SMARCC1: variants seen among roughly 807,000 people sequenced by gnomAD.
SMARCC1 encodes the protein SWI/SNF complex subunit SMARCC1.
SMARCC1 carries 43 observed loss-of-function variants against 147.4 expected under a neutral mutation model. The observed-to-expected ratio is 0.29, with a 90% CI of 0.23 to 0.38. The LOEUF is 0.38. Ranked by LOEUF, SMARCC1 falls within the 10% of genes least tolerant of loss-of-function variation. The pLI is 1.00. For missense variants in SMARCC1, 1,119 were observed against 1,381.1 expected, an observed-to-expected ratio of 0.81 and a Z score of 3.01; for synonymous variants, 495 against 484.4, an observed-to-expected ratio of 1.02 and a Z score of -0.29.
rs945392155 is a variant in SMARCC1 at position 47,737,316 on chromosome 3, C to T, written c.483+713G>A. On this transcript the variant is annotated intron_variant, in intron 4 of 27. Transcript: ENST00000254480. ...AGCTGAGGTGGGAGAATCACTTGAG[C>T]CCGAGAGTTCAAAGCTGCAGTGAGC... Among the ~76,000 whole-genome samples, 16 of 152,114 alleles carry T rather than the reference C, an allele frequency of 1.1e-4. No homozygotes were observed. In the East Asian group the frequency reaches 3.1e-3, roughly 29 times the overall value.
chr3:47,661,486 C>G (rs1257435374), intron 20 of SMARCC1, 31 bp from the exon 21 acceptor site: 2 of 1,576,742 alleles, frequency 1.3e-6, no homozygotes, highest in Non-Finnish European at 8.6e-7. Flanking sequence ...GAACAGCAAT[C>G]TAACTTTGCA....
At chr3:47,606,600 A>T (rs1433151109) in intron 26 of SMARCC1, among the ~76,000 whole-genome samples, 1 of 152,230 alleles carries the variant, frequency 6.6e-6, no homozygotes, top group Non-Finnish European at 1.5e-5. Flanking sequence ...AGTTAATGTG[A>T]ATATGATGCT....
At chr3:47,769,752 C>T (rs1277107313) in intron 2 of SMARCC1, among the ~76,000 whole-genome samples, 1 of 152,100 alleles carries the variant, frequency 6.6e-6, no homozygotes, top group Non-Finnish European at 1.5e-5. Flanking sequence ...TTCTTAGGAC[C>T]CTGCACCTAA....
intron 21 of SMARCC1, among the ~76,000 whole-genome samples, chr3:47,653,102 C>T (rs774002747): frequency 2.6e-4 from 39 of 151,972 alleles, no homozygotes; most frequent in Non-Finnish European, 4.6e-4. Flanking sequence ...GGACTACAGG[C>T]GCCCGCCACC....
chr3:47,714,263 C>CG, intron 8 of SMARCC1, 152 bp downstream of exon 8: 1 of 597,010 alleles, frequency 1.7e-6, no homozygotes, highest in South Asian at 2.0e-5. Flanking sequence ...ACTTGGGAGG[C>CG]TAACGCACGA....
chr3:47,609,471 T>C (rs1469205429), intron 26 of SMARCC1, among the ~76,000 whole-genome samples: 2 of 149,886 alleles, frequency 1.3e-5, no homozygotes, highest in African/African-American at 2.5e-5. Flanking sequence ...CACTCCAGCC[T>C]GGGCGACAGA....
At chr3:47,615,804 C>T (rs1166208367) in intron 25 of SMARCC1, among the ~76,000 whole-genome samples, 1 of 152,200 alleles carries the variant, frequency 6.6e-6, no homozygotes, top group Non-Finnish European at 1.5e-5. Flanking sequence ...CTGCTTCAGC[C>T]TCCTGAATAG....
At chr3:47,725,032 CAAAAAAAAA>C (rs35548192) in intron 6 of SMARCC1, among the ~76,000 whole-genome samples, 5 of 31,632 alleles carry the variant, frequency 1.6e-4, no homozygotes, top group Admixed American at 4.6e-4. Context: ...ACTGTCTCCA[CAAAAAAAAA>C]AAAAAAAAAA....
At chr3:47,705,150 C>T (rs1378591708) in intron 10 of SMARCC1, among the ~76,000 whole-genome samples, 15 of 151,342 alleles carry the variant, frequency 9.9e-5, no homozygotes, top group Non-Finnish European at 7.4e-5. Context: ...GGTGAAACCC[C>T]GTCTCTACTA....
chr3:47,664,050 G>C (rs1352191484), intron 19 of SMARCC1: 1 of 565,670 alleles, frequency 1.8e-6, no homozygotes, highest in Non-Finnish European at 3.0e-6. Flanking sequence ...TGCGTCGTTG[G>C]GGGAGGAAGT....
At chr3:47,749,746 G>C (rs2034607306) in intron 2 of SMARCC1, among the ~76,000 whole-genome samples, 2 of 119,174 alleles carry the variant, frequency 1.7e-5, no homozygotes, top group African/African-American at 2.8e-5. Flanking sequence ...CAGAGAGAGA[G>C]AGAGAGAGAG....
intron 26 of SMARCC1, chr3:47,604,696 G>GTTTTTTT (rs1559623721): frequency 7.1e-5 from 2 of 28,052 alleles, no homozygotes; most frequent in Non-Finnish European, 1.2e-4. Context: ...ATTTACTGTT[G>GTTTTTTT]TTCTTTTTTT....
intron 2 of SMARCC1, among the ~76,000 whole-genome samples, chr3:47,752,288 G>C (rs77364114): frequency 1.3e-5 from 2 of 152,260 alleles, no homozygotes; most frequent in African/African-American, 4.8e-5. Flanking sequence ...TCAGGTAATG[G>C]AAAGCTGGAG....
chr3:47,758,606 G>A (rs1395434336), intron 2 of SMARCC1, among the ~76,000 whole-genome samples: 3 of 152,024 alleles, frequency 2.0e-5, no homozygotes, highest in Non-Finnish European at 4.4e-5. Flanking sequence ...ACTCATTTAC[G>A]TATTGTATAT....
intron 21 of SMARCC1, among the ~76,000 whole-genome samples, chr3:47,653,158 C>G (rs1321711610): frequency 6.6e-6 from 1 of 152,092 alleles, no homozygotes; most frequent in Non-Finnish European, 1.5e-5. Flanking sequence ...AGGGTTTCAC[C>G]TTGTTAGCCA....
At chr3:47,677,438 G>A (rs573108707) in intron 16 of SMARCC1, among the ~76,000 whole-genome samples, 6 of 148,528 alleles carry the variant, frequency 4.0e-5, no homozygotes, top group Admixed American at 1.3e-4. Flanking sequence ...GAGCTAGGGC[G>A]CAGAGCTTAT....
At chr3:47,597,422 G>T (rs2032305017) in intron 26 of SMARCC1, among the ~76,000 whole-genome samples, 1 of 151,874 alleles carries the variant, frequency 6.6e-6, no homozygotes, top group Non-Finnish European at 1.5e-5. Context: ...CGCCTCCCGG[G>T]TTCATGCCAT....
intron 26 of SMARCC1, among the ~76,000 whole-genome samples, chr3:47,605,898 G>A (rs1378845741): frequency 6.6e-6 from 1 of 152,010 alleles, no homozygotes; most frequent in Non-Finnish European, 1.5e-5. Flanking sequence ...GTTATCCTTG[G>A]AAGGGAAGGT....
intron 4 of SMARCC1, among the ~76,000 whole-genome samples, chr3:47,737,353 T>A (rs1181452980): frequency 6.6e-6 from 1 of 152,020 alleles, no homozygotes; most frequent in Non-Finnish European, 1.5e-5. Flanking sequence ...TAGCTCTGAC[T>A]GCACCACTGC....
Sources: allele counts gnomAD v4.1 joint callset (sites outside exome capture counted in the v4.1 genomes callset), GRCh38; gene constraint gnomAD v4.1.1; transcripts MANE v1.5; gene names NCBI Gene and HGNC (gene_info 2026-07-23, HGNC 2026-07-21).